LGSN: variants seen among roughly 807,000 people sequenced by gnomAD.
LGSN encodes the protein lengsin, lens protein with glutamine synthetase domain.
A neutral mutation model predicts 19.5 loss-of-function variants in LGSN; 21 were observed. The ratio of observed to expected loss-of-function variants is 1.07; its 90% CI spans 0.76 to 1.55. The LOEUF is 1.55. Among genes scored for constraint, LGSN ranks in the 40% most tolerant of loss-of-function variants. The pLI is 0.00. For synonymous variants in LGSN, 257 were observed against 215.6 expected (o/e 1.19, Z -1.68); for missense variants, 673 against 608.5 (o/e 1.11, Z -1.12).
the LGSN span, among the ~76,000 whole-genome samples, chr6:63,505,822 G>A: frequency 1.3e-5 from 2 of 152,138 alleles, no homozygotes; most frequent in Admixed American, 1.3e-4. Context: ...ACCACGCCCG[G>A]CTAATTTTTG....
chr6:63,414,154 G>A, the LGSN span, among the ~76,000 whole-genome samples: 9 of 151,920 alleles, frequency 5.9e-5, no homozygotes, highest in Admixed American at 4.6e-4. Context: ...TCTTAATTTT[G>A]TTTTGTTTTG....
the LGSN span, among the ~76,000 whole-genome samples, chr6:63,484,327 A>ACCTGTCAAAAC: frequency 2.0e-5 from 3 of 152,128 alleles, no homozygotes; most frequent in Admixed American, 6.5e-5. Flanking sequence ...ACATGGCAAA[A>ACCTGTCAAAAC]CCTGTCAAAA....
chr6:63,412,761 A>AAG, the LGSN span, among the ~76,000 whole-genome samples: 909 of 20,078 alleles, frequency 0.045, 92 homozygotes, highest in African/African-American at 0.21. Context: ...GAAAGAAAGA[A>AAG]AGAAAGAAAG....
At chr6:63,384,690 T>C in the LGSN span, among the ~76,000 whole-genome samples, 1 of 152,186 alleles carries the variant, frequency 6.6e-6, no homozygotes, top group African/African-American at 2.4e-5. Flanking sequence ...GCTAATTTTG[T>C]ATTTTTAGTA....
At chr6:63,345,719 C>T in the LGSN span, among the ~76,000 whole-genome samples, 1 of 152,176 alleles carries the variant, frequency 6.6e-6, no homozygotes, top group African/African-American at 2.4e-5. Context: ...GAATTAATCA[C>T]ATGGCGACCT....
the LGSN span, among the ~76,000 whole-genome samples, chr6:63,489,850 C>G: frequency 1.7e-4 from 26 of 152,064 alleles, no homozygotes; most frequent in Non-Finnish European, 2.9e-4. Context: ...ACTGAGATTA[C>G]AGACGCATGC....
chr6:63,529,815 C>T, the LGSN span, among the ~76,000 whole-genome samples: 324 of 152,126 alleles, frequency 2.1e-3, no homozygotes, highest in Middle Eastern at 6.8e-3. Context: ...TGGCAAAATA[C>T]GTGCGTAAGA....
the LGSN span, among the ~76,000 whole-genome samples, chr6:63,412,184 C>T: frequency 3.3e-5 from 5 of 151,770 alleles, no homozygotes; most frequent in African/African-American, 7.2e-5. Flanking sequence ...CTGGCCAACA[C>T]GGCAAAACCC....
rs189708902 is a variant in LGSN at position 63,289,631 on chromosome 6, A to T, written c.164-3878T>A. Among the ~76,000 whole-genome samples, 4 of 152,228 alleles carry T rather than the reference A, an allele frequency of 2.6e-5. No individual in the cohort carries two copies. In the East Asian group the frequency reaches 7.7e-4, roughly 29 times the overall value. On this transcript the variant is annotated intron_variant, in intron 2 of 3. Transcript: ENST00000370657. ...GGGAAAAAATAAGAAAATATTAAAA[A>T]AAAAAAACCTTAAAGCTCTATAGCA...
chr6:63,535,516 G>C, the LGSN span, among the ~76,000 whole-genome samples: 1 of 152,066 alleles, frequency 6.6e-6, no homozygotes, highest in African/African-American at 2.4e-5. Context: ...TAATTAAATG[G>C]TGAATAAACT....
intron 1 of LGSN, among the ~76,000 whole-genome samples, chr6:63,301,746 A>C (rs1768193529): frequency 6.6e-6 from 1 of 152,196 alleles, no homozygotes; most frequent in Non-Finnish European, 1.5e-5. Flanking sequence ...CCTTTTGAGT[A>C]AAATGCAAAG....
the LGSN span, among the ~76,000 whole-genome samples, chr6:63,488,843 A>C: frequency 1.4e-5 from 2 of 140,690 alleles, no homozygotes; most frequent in African/African-American, 5.2e-5. Flanking sequence ...AAAGTTTACC[A>C]AAAAAAAAAA....
At chr6:63,418,887 G>A in the LGSN span, among the ~76,000 whole-genome samples, 1 of 151,044 alleles carries the variant, frequency 6.6e-6, no homozygotes, top group Non-Finnish European at 1.5e-5. Context: ...CACCCCCACC[G>A]TGCCAGCAAA....
chr6:63,398,444 C>A, the LGSN span, among the ~76,000 whole-genome samples: 1 of 151,254 alleles, frequency 6.6e-6, no homozygotes, highest in African/African-American at 2.4e-5. Context: ...AACAAAAATG[C>A]CTTAAAAGTA....
chr6:63,359,313 G>A, the LGSN span, among the ~76,000 whole-genome samples: 1 of 152,146 alleles, frequency 6.6e-6, no homozygotes, highest in African/African-American at 2.4e-5. Context: ...TTGTGTCTCT[G>A]CCCAGCTTTG....
At chr6:63,523,209 C>T in the LGSN span, among the ~76,000 whole-genome samples, 7 of 152,018 alleles carry the variant, frequency 4.6e-5, no homozygotes, top group African/African-American at 1.7e-4. Flanking sequence ...TACGAGTCAT[C>T]AAAAACAACT....
chr6:63,381,134 C>T, the LGSN span, among the ~76,000 whole-genome samples: 1 of 152,174 alleles, frequency 6.6e-6, no homozygotes, highest in Admixed American at 6.5e-5. Context: ...CCCAGGAGGT[C>T]GAGGCTGCAG....
chr6:63,559,096 A>C, the LGSN span, among the ~76,000 whole-genome samples: 6 of 152,222 alleles, frequency 3.9e-5, no homozygotes, highest in African/African-American at 1.4e-4. Flanking sequence ...AACACTGGAG[A>C]GATGAATCAA....
chr6:63,441,734 C>T, the LGSN span: 1 of 406,408 alleles, frequency 2.5e-6, no homozygotes, highest in Admixed American at 2.9e-5. Context: ...AAATTAGGCC[C>T]CCAAATCTAA....
Sources: allele counts gnomAD v4.1 joint callset (sites outside exome capture counted in the v4.1 genomes callset), GRCh38; gene constraint gnomAD v4.1.1; transcripts MANE v1.5; gene names NCBI Gene and HGNC (gene_info 2026-07-23, HGNC 2026-07-21).